The following ALMS1 variants were observed in gnomAD, a reference collection of about 807,000 sequenced individuals.
The protein encoded by ALMS1 is centrosome-associated protein ALMS1.
Under a neutral mutation model 352.2 loss-of-function variants are expected in ALMS1, and 271 were observed. The ratio of observed to expected loss-of-function variants is 0.77; its 90% CI spans 0.70 to 0.85. The LOEUF (loss-of-function observed/expected upper bound fraction) is 0.85, where lower values mean the gene tolerates loss of function less well. ALMS1 is among the 40% of genes least tolerant of loss of function. ALMS1 has a pLI of 0.00. For synonymous variants in ALMS1, 1,865 were observed against 1,761.2 expected, an observed-to-expected ratio of 1.06 and a Z score of -1.48; for missense variants, 5,445 against 4,870.7, an observed-to-expected ratio of 1.12 and a Z score of -3.51.
chr2:73,577,805 A>G (rs1300764788), intron 16 of ALMS1, among the ~76,000 whole-genome samples: 1 of 152,170 alleles, frequency 6.6e-6, no homozygotes, highest in African/African-American at 2.4e-5. Flanking sequence ...ATGACCTTGC[A>G]TATGATCTGT....
chr2:73,450,715 G>A lies in ALMS1; in HGVS notation c.4188G>A (p.Leu1396=). ...CGAGTATTTTCTACCAACAGTCGTT[G>A]CCAGGTAGTCATCTAACTGAAGAGG... ...EKPSIFYQQS[L]PGSHLTEEAK... Residue 1396 remains leucine (L), a synonymous_variant, in exon 8 of 23, where the codon TTG becomes TTA. Transcript: ENST00000613296. 1 of 1,613,034 alleles carries A rather than the reference G, an allele frequency of 6.2e-7. No individual in the cohort carries two copies. The highest frequency in any genetic ancestry group is 8.5e-7 in the Non-Finnish European group (1 of 1,179,610).
intron 16 of ALMS1, among the ~76,000 whole-genome samples, chr2:73,592,269 G>A (rs1675450034): frequency 6.6e-6 from 1 of 152,164 alleles, no homozygotes; most frequent in Non-Finnish European, 1.5e-5. Flanking sequence ...ATTTCCAAAA[G>A]GTAAGTAATA....
rs1671974435 is a variant in ALMS1, at chr2:73,452,740, T to C, written c.6213T>C (p.Ile2071=). ...CAGATAGAGATCAAAGTAAAGGTAT[T>C]CTAAAGATTTCAGCTGTCCCTGAAC... ...QLPDRDQSKG[I]LKISAVPELT... Residue 2071 remains isoleucine, a synonymous_variant, in exon 8 of 23, where the codon ATT becomes ATC. Coordinates refer to ENST00000613296, the MANE Select transcript of ALMS1 (RefSeq NM_001378454.1). 2 of 1,613,514 alleles carry C rather than the reference T, an allele frequency of 1.2e-6. No homozygotes were observed. Among genetic ancestry groups the C allele is most frequent in the Non-Finnish European group, 1.7e-6 (2 of 1,179,952 alleles).
intron 9 of ALMS1, among the ~76,000 whole-genome samples, chr2:73,468,367 ATTT>A (rs1043334670): frequency 6.6e-6 from 1 of 151,844 alleles, no homozygotes; most frequent in East Asian, 1.9e-4. Flanking sequence ...GTTTCTTTAA[ATTT>A]TTTTTATCAT....
Position 73,573,562 on chromosome 2 carries a change from G to A in ALMS1, c.11547+138G>A, listed in dbSNP as rs28730861. ...CATTTCTTACCAACTGGAAAAGAGT[G>A]AGAAAGTGTAGTACAGTGCTATTGT... On this transcript the variant is annotated intron_variant, in intron 16 of 22. Coordinates refer to ENST00000613296, the MANE Select transcript of ALMS1 (RefSeq NM_001378454.1). 1.4e-3 allele frequency: 1,257 copies of A among 882,662 alleles called. 4 individuals carry two copies. The highest frequency in any genetic ancestry group is 2.0e-3 in the Non-Finnish European group (1,062 of 537,342). 54.7% of individuals were successfully genotyped at this position (882,662 alleles called of 1,614,324 possible). A position where few individuals can be genotyped will look rare whatever the true frequency, so the allele number is the denominator to read the frequency against.
At chr2:73,391,601 GTTTTA>G (rs1052555216) in intron 1 of ALMS1, among the ~76,000 whole-genome samples, 2 of 152,026 alleles carry the variant, frequency 1.3e-5, no homozygotes, top group African/African-American at 4.8e-5. Context: ...CCTTGTATAC[GTTTTA>G]TTCTTAATAT....
chr2:73,452,885 A>G lies in ALMS1; in HGVS notation c.6358A>G (p.Lys2120Glu). The change falls in exon 8 of 23, where the codon AAG becomes GAG. Residue 2120 changes from lysine (K) to glutamate (E), a missense_variant. Lys to Glu is a moderately conservative substitution (Grantham distance 56). Coordinates refer to ENST00000613296, the MANE Select transcript of ALMS1 (RefSeq NM_001378454.1). ...TAGTCATGTAACTGAAGATGTGCTGAAGGTTTCAACAATTCCTGGACCAGC... is the reference window on the plus strand; with the variant it reads ...TAGTCATGTAACTGAAGATGTGCTGGAGGTTTCAACAATTCCTGGACCAGC... ...PGSHVTEDVL[K>E]VSTIPGPAGQ... 6.2e-7 allele frequency: 1 copy of G among 1,613,902 alleles called. No individual in the cohort carries two copies. The highest frequency in any genetic ancestry group is 1.1e-5 in the South Asian group (1 of 91,078).
Position 73,489,727 on chromosome 2 carries a change from C to CT in ALMS1, c.7769dup (p.Thr2591AsnfsTer3). On this transcript the variant is annotated frameshift_variant, in exon 10 of 23. Coordinates refer to ENST00000613296, the MANE Select transcript of ALMS1 (RefSeq NM_001378454.1). LOFTEE classifies it high-confidence loss of function. ...CCATGAAAAGGGATGTTTCCGGACT[C>CT]TAACTTCTGAACATCCACAACTAGA... 6.2e-7 allele frequency: 1 copy of CT among 1,614,142 alleles called. No homozygotes were observed. Among genetic ancestry groups the CT allele is most frequent in the Admixed American group, 1.7e-5 (1 of 60,018 alleles).
chr2:73,589,711 G>A (rs552844015), intron 16 of ALMS1, among the ~76,000 whole-genome samples: 1 of 152,250 alleles, frequency 6.6e-6, no homozygotes, highest in African/African-American at 2.4e-5. Flanking sequence ...ATCACATAAT[G>A]CTCCATGGAG....
intron 8 of ALMS1, among the ~76,000 whole-genome samples, chr2:73,454,854 A>G (rs2103796287): frequency 6.6e-6 from 1 of 152,354 alleles, no homozygotes; most frequent in South Asian, 2.1e-4. Context: ...GAGTAATTGT[A>G]GCAGGAACTA....
chr2:73,419,639 C>T (rs1177211583), intron 3 of ALMS1, among the ~76,000 whole-genome samples: 1 of 152,110 alleles, frequency 6.6e-6, no homozygotes, highest in African/African-American at 2.4e-5. Flanking sequence ...TTGGTTATCT[C>T]AGCAATGGAG....
Position 73,452,217 on chromosome 2 carries a change from C to CA in ALMS1, c.5693dup (p.Asn1898LysfsTer2). The CA allele has an allele frequency of 6.2e-7, 1 of 1,614,072 alleles. No homozygotes were observed. Among genetic ancestry groups the CA allele is most frequent in the Non-Finnish European group, 8.5e-7 (1 of 1,180,014 alleles). ...CAAATAGCATCCTCTAGTTCCTACT[C>CA]AAATAGAGAGAAGGCCAGTATTTTT... On this transcript the variant is annotated frameshift_variant, in exon 8 of 23. Transcript: ENST00000613296. LOFTEE classifies it high-confidence loss of function.
intron 16 of ALMS1, among the ~76,000 whole-genome samples, chr2:73,580,091 AT>A (rs933755518): frequency 6.6e-6 from 1 of 151,296 alleles, no homozygotes; most frequent in African/African-American, 2.4e-5. Context: ...TTCATTTTCT[AT>A]TTTTTTAGAG....
chr2:73,572,181 A>T (rs1417412601), intron 15 of ALMS1, 81 bp from the exon 16 acceptor site: 8 of 1,192,996 alleles, frequency 6.7e-6, no homozygotes, highest in Admixed American at 2.3e-5. Flanking sequence ...TTTGTTCTGT[A>T]TCTAAAGAAT....
In ALMS1 at chr2:73,490,193, C is replaced by T; in HGVS notation, c.8234C>T (p.Ala2745Val). ...GVTEGSQCTGASVGVFNSHFT... is the reference protein window; with the variant it reads ...GVTEGSQCTGVSVGVFNSHFT... ...ACTGAAGGTAGCCAGTGTACTGGAG[C>T]ATCTGTGGGGGTATTTAATTCTCAT... Residue 2745 changes from alanine (A) to valine (V), a missense_variant, in exon 10 of 23, where the codon GCA becomes GTA. Physicochemically the swap from Ala to Val is moderately conservative, Grantham distance 64. Coordinates refer to ENST00000613296, the MANE Select transcript of ALMS1 (RefSeq NM_001378454.1). 6.2e-7 allele frequency: 1 copy of T among 1,614,166 alleles called. No individual in the cohort carries two copies. The highest frequency in any genetic ancestry group is 8.5e-7 in the Non-Finnish European group (1 of 1,180,016).
At chr2:73,419,934 T>C (rs1014229358) in intron 3 of ALMS1, among the ~76,000 whole-genome samples, 2 of 152,198 alleles carry the variant, frequency 1.3e-5, no homozygotes, top group Non-Finnish European at 2.9e-5. Context: ...TGAATAGAAC[T>C]TAATTCAGCA....
At chr2:73,576,445 A>G (rs1020402540) in intron 16 of ALMS1, among the ~76,000 whole-genome samples, 2 of 152,114 alleles carry the variant, frequency 1.3e-5, no homozygotes, top group African/African-American at 4.8e-5. Flanking sequence ...TGTATCTTGC[A>G]GCTTTGCTGA....
intron 7 of ALMS1, among the ~76,000 whole-genome samples, chr2:73,444,504 G>T (rs1031391899): frequency 6.6e-6 from 1 of 152,122 alleles, no homozygotes; most frequent in Non-Finnish European, 1.5e-5. Context: ...TCCTGCTTTC[G>T]CATTGAAAAA....
intron 7 of ALMS1, among the ~76,000 whole-genome samples, chr2:73,441,671 C>T (rs1671721897): frequency 6.6e-6 from 1 of 152,046 alleles, no homozygotes; most frequent in Non-Finnish European, 1.5e-5. Context: ...TCTCCAGGGT[C>T]CAGCCTCAGA....
Sources: allele counts gnomAD v4.1 joint callset (sites outside exome capture counted in the v4.1 genomes callset), GRCh38; gene constraint gnomAD v4.1.1; transcripts MANE v1.5; gene names NCBI Gene and HGNC (gene_info 2026-07-23, HGNC 2026-07-21).